NXPH1: variants seen among roughly 807,000 people sequenced by gnomAD.
NXPH1 encodes neurexophilin-1.
A neutral mutation model predicts 23.7 loss-of-function variants in NXPH1; 5 were observed. The observed-to-expected ratio is 0.21, with a 90% CI of 0.11 to 0.44. The LOEUF is 0.44. NXPH1 is among the 20% of genes least tolerant of loss of function. The pLI is 0.99. For synonymous variants in NXPH1, 144 were observed against 122.2 expected (o/e 1.18, Z -1.18); for missense variants, 324 against 321.6 (o/e 1.01, Z -0.06).
Position 8,720,251 on chromosome 7 carries a change from C to A in NXPH1, c.55-30757C>A, listed in dbSNP as rs188576621. Reference sequence around the variant, plus strand: ...TACAACCACCTTTCATTTGGTAATACCAGTAATAGTAATCTTGTGGTTTTG... The same window carrying A: ...TACAACCACCTTTCATTTGGTAATAACAGTAATAGTAATCTTGTGGTTTTG... On this transcript the variant is annotated intron_variant, in intron 2 of 2. Transcript: ENST00000405863. 5.1e-4 allele frequency among the ~76,000 whole-genome samples: 78 copies of A among 152,230 alleles called. 1 individual carries two copies. Among genetic ancestry groups the A allele is most frequent in the Non-Finnish European group, 1.0e-3 (68 of 68,020 alleles).
chr7:8,700,506 C>T (rs187463093), intron 2 of NXPH1, among the ~76,000 whole-genome samples: 45 of 152,182 alleles, frequency 3.0e-4, no homozygotes, highest in Middle Eastern at 6.8e-3. Flanking sequence ...TGGCTTCTAA[C>T]GGCCTATTAT....
intron 2 of NXPH1, among the ~76,000 whole-genome samples, chr7:8,492,486 A>G (rs11983664): frequency 0.03 from 4,614 of 152,140 alleles, 230 homozygotes; most frequent in African/African-American, 0.1. Flanking sequence ...AGTAAATAAG[A>G]TATTTATTTA....
At chr7:8,622,960 TATTA>T (rs1194478690) in intron 2 of NXPH1, among the ~76,000 whole-genome samples, 1 of 152,182 alleles carries the variant, frequency 6.6e-6, no homozygotes, top group Non-Finnish European at 1.5e-5. Context: ...AATTTATTGT[TATTA>T]ATGAAGGAAG....
chr7:8,552,162 C>T (rs539322649), intron 2 of NXPH1, among the ~76,000 whole-genome samples: 1 of 146,284 alleles, frequency 6.8e-6, no homozygotes, highest in Admixed American at 6.8e-5. Flanking sequence ...CCACACAAAC[C>T]GTTAAGGAGA....
chr7:8,514,851 G>A (rs1396689002), intron 2 of NXPH1, among the ~76,000 whole-genome samples: 1 of 152,100 alleles, frequency 6.6e-6, no homozygotes, highest in Admixed American at 6.6e-5. Flanking sequence ...CAGTTGAGAT[G>A]ATTTAACCCA....
intron 2 of NXPH1, among the ~76,000 whole-genome samples, chr7:8,733,247 A>G (rs545212462): frequency 1.3e-5 from 2 of 152,280 alleles, no homozygotes; most frequent in African/African-American, 4.8e-5. Flanking sequence ...CATGGTGTAT[A>G]TGTGTCACAT....
chr7:8,682,640 T>G (rs1424432711), intron 2 of NXPH1, among the ~76,000 whole-genome samples: 3 of 152,194 alleles, frequency 2.0e-5, no homozygotes, highest in African/African-American at 7.2e-5. Flanking sequence ...AATTGAAATA[T>G]AATCTCATGC....
chr7:8,448,171 C>G (rs1228736166), intron 2 of NXPH1, among the ~76,000 whole-genome samples: 1 of 152,170 alleles, frequency 6.6e-6, no homozygotes, highest in Non-Finnish European at 1.5e-5. Flanking sequence ...CTCAATTTCC[C>G]TACTTGAAAA....
At chr7:8,598,491 C>T (rs375687327) in intron 2 of NXPH1, among the ~76,000 whole-genome samples, 15 of 152,112 alleles carry the variant, frequency 9.9e-5, no homozygotes, top group African/African-American at 2.4e-5. Context: ...CCCTCTCTCC[C>T]GCAACTAGAC....
chr7:8,714,399 C>A (rs985760360), intron 2 of NXPH1, among the ~76,000 whole-genome samples: 3 of 152,002 alleles, frequency 2.0e-5, no homozygotes, highest in African/African-American at 7.3e-5. Flanking sequence ...AGGCCTGGAA[C>A]TGGGTACCCA....
chr7:8,619,093 G>A (rs1015128375), intron 2 of NXPH1, among the ~76,000 whole-genome samples: 9 of 152,176 alleles, frequency 5.9e-5, no homozygotes, highest in Admixed American at 5.9e-4. Flanking sequence ...TAAGAAGGAA[G>A]TTGAGAACTT....
chr7:8,541,771 T>C (rs1436588682), intron 2 of NXPH1, among the ~76,000 whole-genome samples: 3 of 151,630 alleles, frequency 2.0e-5, no homozygotes, highest in Non-Finnish European at 4.4e-5. Context: ...TTTTATACTA[T>C]ATATAAAGTG....
At chr7:8,699,717 CGT>C (rs1264128719) in intron 2 of NXPH1, among the ~76,000 whole-genome samples, 1 of 151,968 alleles carries the variant, frequency 6.6e-6, no homozygotes, top group Non-Finnish European at 1.5e-5. Flanking sequence ...ATCTGTCTTC[CGT>C]TTGGGCCACT....
At chr7:8,561,242 G>T (rs1375910355) in intron 2 of NXPH1, among the ~76,000 whole-genome samples, 2 of 151,504 alleles carry the variant, frequency 1.3e-5, no homozygotes, top group Admixed American at 6.6e-5. Context: ...TTTGGTTGGT[G>T]AGGGAGAACC....
chr7:8,486,584 A>C (rs1008514), intron 2 of NXPH1, among the ~76,000 whole-genome samples: 1 of 151,986 alleles, frequency 6.6e-6, no homozygotes, highest in Non-Finnish European at 1.5e-5. Context: ...CTGTAAGACA[A>C]GGATCATAAA....
chr7:8,484,244 G>GAA (rs1817122422), intron 2 of NXPH1, among the ~76,000 whole-genome samples: 1 of 152,044 alleles, frequency 6.6e-6, no homozygotes, highest in Non-Finnish European at 1.5e-5. Context: ...AATCACAACA[G>GAA]AAACCTCATA....
At chr7:8,669,219 C>A (rs899628547) in intron 2 of NXPH1, among the ~76,000 whole-genome samples, 2 of 152,172 alleles carry the variant, frequency 1.3e-5, no homozygotes, top group Non-Finnish European at 2.9e-5. Context: ...AGCATGCGTC[C>A]ATGGGTGCCA....
intron 2 of NXPH1, among the ~76,000 whole-genome samples, chr7:8,687,279 GGTGA>G (rs1406084685): frequency 1.3e-5 from 2 of 152,020 alleles, no homozygotes; most frequent in African/African-American, 2.4e-5. Context: ...AGCTTTTGGA[GGTGA>G]GTGAGAAAAA....
At chr7:8,730,493 C>T (rs1480151210) in intron 2 of NXPH1, among the ~76,000 whole-genome samples, 1 of 151,950 alleles carries the variant, frequency 6.6e-6, no homozygotes, top group African/African-American at 2.4e-5. Flanking sequence ...TGTTCCTTTC[C>T]ATGTTTAGCA....
Sources: gnomAD v4.1 joint callset for allele counts (sites outside exome capture counted in the v4.1 genomes callset) on GRCh38, gnomAD v4.1.1 for gene constraint, MANE v1.5 for transcripts, NCBI Gene and HGNC (gene_info 2026-07-23, HGNC 2026-07-21) for gene names.